Variants in SPAG16 observed in about 807,000 individuals in gnomAD.
The protein encoded by SPAG16 is sperm-associated antigen 16 protein.
In SPAG16, 86 loss-of-function variants were observed where a neutral mutation model predicts 80.4. The ratio of observed to expected loss-of-function variants is 1.07; its 90% CI spans 0.90 to 1.28. SPAG16 has a LOEUF of 1.28. Among genes scored for constraint, SPAG16 ranks in the 50% most tolerant of loss-of-function variants. SPAG16 has a pLI of 0.00. For missense variants in SPAG16, 870 were observed against 765.3 expected (o/e 1.14, Z -1.61); for synonymous variants, 294 against 265.9 (o/e 1.11, Z -1.03).
At chr2:214,205,374 G>A (rs2058114467) in intron 15 of SPAG16, among the ~76,000 whole-genome samples, 1 of 152,136 alleles carries the variant, frequency 6.6e-6, no homozygotes, top group Non-Finnish European at 1.5e-5. Context: ...AGTTGATAAT[G>A]TATTTTACTT....
intron 11 of SPAG16, among the ~76,000 whole-genome samples, chr2:213,895,267 A>C (rs2106098596): frequency 6.6e-6 from 1 of 152,298 alleles, no homozygotes; most frequent in South Asian, 2.1e-4. Flanking sequence ...AAGAAATCAA[A>C]GAGGACAGAA....
At chr2:213,655,153 G>T (rs564590329) in intron 10 of SPAG16, among the ~76,000 whole-genome samples, 4 of 152,292 alleles carry the variant, frequency 2.6e-5, no homozygotes, top group African/African-American at 9.6e-5. Flanking sequence ...GTTCATGTAG[G>T]TTCATCAATT....
intron 10 of SPAG16, among the ~76,000 whole-genome samples, chr2:213,801,540 T>C (rs1022548718): frequency 6.6e-6 from 1 of 152,214 alleles, no homozygotes; most frequent in African/African-American, 2.4e-5. Context: ...CACAGATCTT[T>C]ACACACTGTC....
intron 10 of SPAG16, among the ~76,000 whole-genome samples, chr2:213,833,504 T>TAA (rs2073851431): frequency 2.2e-3 from 3 of 1,374 alleles, no homozygotes; most frequent in Non-Finnish European, 5.7e-3. Flanking sequence ...AATATATATA[T>TAA]TATATATAAT....
At chr2:214,293,343 A>G (rs1285115416) in intron 15 of SPAG16, among the ~76,000 whole-genome samples, 2 of 152,066 alleles carry the variant, frequency 1.3e-5, no homozygotes, top group African/African-American at 4.8e-5. Context: ...GCTGGCTCAT[A>G]TGGGTTAGTG....
chr2:213,603,608 T>C (rs527843090), intron 10 of SPAG16, among the ~76,000 whole-genome samples: 1 of 152,354 alleles, frequency 6.6e-6, no homozygotes, highest in African/African-American at 2.4e-5. Flanking sequence ...CCATTTATTA[T>C]TTAGCTGTTT....
intron 10 of SPAG16, among the ~76,000 whole-genome samples, chr2:213,708,347 A>G (rs995966943): frequency 6.6e-6 from 1 of 152,244 alleles, no homozygotes; most frequent in Admixed American, 6.5e-5. Context: ...TTATAGAAAT[A>G]GTAGCACTTA....
chr2:213,624,153 T>A (rs1322333589), intron 10 of SPAG16, among the ~76,000 whole-genome samples: 1 of 152,158 alleles, frequency 6.6e-6, no homozygotes, highest in Non-Finnish European at 1.5e-5. Context: ...TTTTGATTAT[T>A]AGTATTCTAA....
At chr2:213,976,109 G>GATATATATATATATATATATATAT (rs1553685173) in intron 12 of SPAG16, among the ~76,000 whole-genome samples, 1 of 121,530 alleles carries the variant, frequency 8.2e-6, no homozygotes, top group Admixed American at 8.3e-5. Context: ...CAGTGAGGGA[G>GATATATATATATATATATATATAT]ATATATATAT....
rs1165853142 is a variant in SPAG16 at position 213,859,178 on chromosome 2, C to CAAAAAAAAAAA, written c.1071-3279_1071-3269dup. ...TGGGCAACAGAGCGACACTCCGTCT[C>CAAAAAAAAAAA]AAAAAAAAAAAAAAAAAAAAAAAAA... On this transcript the variant is annotated intron_variant, in intron 10 of 15. Coordinates refer to ENST00000331683, the MANE Select transcript of SPAG16 (RefSeq NM_024532.5). Among the ~76,000 whole-genome samples, 59 of 9,378 alleles carry CAAAAAAAAAAA rather than the reference C, an allele frequency of 6.3e-3. 23 individuals are homozygous for CAAAAAAAAAAA. The highest frequency in any genetic ancestry group is 0.023 in the South Asian group (2 of 86). 6.2% of individuals were successfully genotyped at this position (9,378 alleles called of 152,430 possible). A position where few individuals can be genotyped will look rare whatever the true frequency, so the allele number is the denominator to read the frequency against.
intron 10 of SPAG16, among the ~76,000 whole-genome samples, chr2:213,777,191 C>T (rs1220074722): frequency 6.6e-6 from 1 of 151,288 alleles, no homozygotes; most frequent in Non-Finnish European, 1.5e-5. Context: ...TTAATACTAA[C>T]CCCAAATCTT....
intron 10 of SPAG16, among the ~76,000 whole-genome samples, chr2:213,678,020 TG>T (rs1368910161): frequency 1.3e-5 from 2 of 151,956 alleles, no homozygotes; most frequent in African/African-American, 4.8e-5. Context: ...GAATGACTAC[TG>T]GGTACATAAC....
At chr2:213,303,315 G>A (rs1657545384) in intron 3 of SPAG16, among the ~76,000 whole-genome samples, 1 of 151,770 alleles carries the variant, frequency 6.6e-6, no homozygotes, top group South Asian at 2.1e-4. Context: ...GGGTACATAA[G>A]ATATTTTGAT....
intron 13 of SPAG16, among the ~76,000 whole-genome samples, chr2:214,017,520 C>G (rs2047652156): frequency 6.6e-6 from 1 of 152,078 alleles, no homozygotes; most frequent in Non-Finnish European, 1.5e-5. Flanking sequence ...ATGTGAAAAA[C>G]AGAAGCACTA....
chr2:213,378,870 C>T lies in SPAG16; in HGVS notation c.942+3751C>T, dbSNP rs142259760. Among the ~76,000 whole-genome samples, 120 of 152,318 alleles carry T rather than the reference C, an allele frequency of 7.9e-4. 1 individual carries two copies. The East Asian group carries it at 0.021, about 26-fold the overall frequency. On this transcript the variant is annotated intron_variant, in intron 9 of 15. Coordinates refer to ENST00000331683, the MANE Select transcript of SPAG16 (RefSeq NM_024532.5). ...TTTCCCAATGACCTTAATCACAGGG[C>T]ATGGCAATACTAAGAGACATCCTAG...
intron 12 of SPAG16, among the ~76,000 whole-genome samples, chr2:213,944,933 G>A (rs1261461465): frequency 6.6e-6 from 1 of 152,066 alleles, no homozygotes; most frequent in Non-Finnish European, 1.5e-5. Context: ...AGCTACTTGG[G>A]AGGCTGAGGC....
intron 10 of SPAG16, among the ~76,000 whole-genome samples, chr2:213,792,917 T>G (rs578197298): frequency 6.6e-6 from 1 of 151,768 alleles, no homozygotes; most frequent in South Asian, 2.1e-4. Context: ...TAAGTAATTT[T>G]TCCTTCTTTA....
At chr2:213,556,802 C>T (rs967899401) in intron 10 of SPAG16, among the ~76,000 whole-genome samples, 4 of 152,106 alleles carry the variant, frequency 2.6e-5, no homozygotes, top group African/African-American at 9.7e-5. Flanking sequence ...ATTTTCTTCT[C>T]AAGGGAACAT....
chr2:213,604,543 CA>C lies in SPAG16; in HGVS notation c.1070+114454del, dbSNP rs2061186721. Among the ~76,000 whole-genome samples, 4 of 152,168 alleles carry C rather than the reference CA, an allele frequency of 2.6e-5. No individual in the cohort carries two copies. In the South Asian group the frequency reaches 8.3e-4, roughly 32 times the overall value. On this transcript the variant is annotated intron_variant, in intron 10 of 15. Transcript: ENST00000331683. ...AATTAATCATCATATTGCCTAGGTT[CA>C]GTATCTTCCATATTCTCACATTAGT... is the stretch of plus-strand genomic sequence containing the variant.
Sources: gnomAD v4.1 joint callset for allele counts (sites outside exome capture counted in the v4.1 genomes callset) on GRCh38, gnomAD v4.1.1 for gene constraint, MANE v1.5 for transcripts, NCBI Gene and HGNC (gene_info 2026-07-23, HGNC 2026-07-21) for gene names.